KLHL14: variants seen among roughly 807,000 people sequenced by gnomAD.
KLHL14 encodes the protein kelch-like protein 14.
KLHL14 carries 22 observed loss-of-function variants against 64.3 expected under a neutral mutation model. The ratio of observed to expected loss-of-function variants is 0.34; its 90% CI spans 0.24 to 0.49. The LOEUF (loss-of-function observed/expected upper bound fraction) is 0.49. KLHL14 is among the 20% of genes least tolerant of loss of function. The pLI is 0.99. For synonymous variants in KLHL14, 322 were observed against 333.4 expected, an observed-to-expected ratio of 0.97 and a Z score of 0.37; for missense variants, 661 against 789.0, an observed-to-expected ratio of 0.84 and a Z score of 1.94.
Position 32,673,254 on chromosome 18 carries a change from A to G in KLHL14, c.*1403T>C, listed in dbSNP as rs2049794308. ...AAAGCTTATCACTAAGGCATTTTTC[A>G]TCTGTGGGATTTCCCTAATTACTGT... is the stretch of plus-strand genomic sequence containing the variant. On this transcript the variant is annotated 3_prime_UTR_variant, in exon 9 of 9. Transcript: ENST00000359358. The G allele has an allele frequency of 6.6e-6, 1 of 152,522 alleles. No homozygotes were observed. The highest frequency in any genetic ancestry group is 2.4e-5 in the African/African-American group (1 of 41,416). 9.4% of individuals were successfully genotyped at this position (152,522 alleles called of 1,614,324 possible).
chr18:32,758,070 A>G (rs1360344299), intron 2 of KLHL14, among the ~76,000 whole-genome samples: 1 of 152,082 alleles, frequency 6.6e-6, no homozygotes, highest in Non-Finnish European at 1.5e-5. Context: ...TGGCCAAAGA[A>G]TTTGAATAGA....
intron 3 of KLHL14, among the ~76,000 whole-genome samples, chr18:32,705,176 C>T (rs1483573899): frequency 6.6e-6 from 1 of 152,168 alleles, no homozygotes; most frequent in Non-Finnish European, 1.5e-5. Flanking sequence ...AGAATTAGAT[C>T]AATGTCTGAA....
rs1568088161 is a variant in KLHL14 at position 32,770,622 on chromosome 18, A to G, written c.-31T>C. ...GCTGACTCGGTGCACCTGGCTTTAA[A>G]CCCTCCTCCAACCTGGCAGACAGGG... On this transcript the variant is annotated 5_prime_UTR_variant, in exon 2 of 9. Transcript: ENST00000359358. The surrounding 1 kb of genome is among the most constrained non-coding windows in gnomAD (Gnocchi z 6.7). 9.1e-7 allele frequency: 1 copy of G among 1,099,876 alleles called. No homozygotes were observed. Among genetic ancestry groups the G allele is most frequent in the East Asian group, 6.1e-5 (1 of 16,380 alleles). 68.1% of individuals were successfully genotyped at this position (1,099,876 alleles called of 1,614,324 possible).
intron 8 of KLHL14, among the ~76,000 whole-genome samples, chr18:32,676,952 G>A (rs754299444): frequency 5.3e-5 from 8 of 152,150 alleles, no homozygotes; most frequent in Admixed American, 2.0e-4. Context: ...AGACAGGAGA[G>A]AAGGGAGACC....
At chr18:32,730,733 T>A (rs1293824730) in intron 3 of KLHL14, among the ~76,000 whole-genome samples, 6 of 152,184 alleles carry the variant, frequency 3.9e-5, no homozygotes, top group Non-Finnish European at 7.3e-5. Flanking sequence ...TAGGGTTTTC[T>A]GAAAGTGCTT....
At chr18:32,703,878 C>T (rs959160620) in intron 3 of KLHL14, among the ~76,000 whole-genome samples, 2 of 152,066 alleles carry the variant, frequency 1.3e-5, no homozygotes, top group African/African-American at 4.8e-5. Context: ...GGAATGAAAG[C>T]TGCCATCTCT....
chr18:32,732,538 T>C (rs1445100417), intron 3 of KLHL14, among the ~76,000 whole-genome samples: 1 of 152,216 alleles, frequency 6.6e-6, no homozygotes, highest in Non-Finnish European at 1.5e-5. Context: ...CAATTTGTTT[T>C]TGCTGATACG....
intron 3 of KLHL14, among the ~76,000 whole-genome samples, chr18:32,711,141 A>G (rs1375768418): frequency 6.6e-6 from 1 of 152,168 alleles, no homozygotes; most frequent in Admixed American, 6.6e-5. Context: ...CCAACAAAAG[A>G]AAGGTCTTTA....
chr18:32,690,745 A>T (rs528420581), intron 4 of KLHL14, among the ~76,000 whole-genome samples: 177 of 152,250 alleles, frequency 1.2e-3, no homozygotes, highest in African/African-American at 4.1e-3. Flanking sequence ...ACAAAACAAA[A>T]TAAAACAGCG....
intron 2 of KLHL14, among the ~76,000 whole-genome samples, chr18:32,762,963 C>T (rs1393810646): frequency 6.6e-6 from 1 of 152,028 alleles, no homozygotes; most frequent in Non-Finnish European, 1.5e-5. Flanking sequence ...ATAATTCCAA[C>T]TTCTACCTGG....
Position 32,673,365 on chromosome 18 carries a change from T to C in KLHL14, c.*1292A>G, listed in dbSNP as rs1460576536. On this transcript the variant is annotated 3_prime_UTR_variant, in exon 9 of 9. Transcript: ENST00000359358. ...AGGCTTTTATTTACTCCTAAAGTTGTTGTTCAAGCTCTGGAGGGCTTGAAA... is the reference window on the plus strand; with the variant it reads ...AGGCTTTTATTTACTCCTAAAGTTGCTGTTCAAGCTCTGGAGGGCTTGAAA... 1 of 152,324 alleles carries C rather than the reference T, an allele frequency of 6.6e-6. No homozygotes were observed. The highest frequency in any genetic ancestry group is 1.9e-4 in the East Asian group (1 of 5,180). 9.4% of individuals were successfully genotyped at this position (152,324 alleles called of 1,614,324 possible).
chr18:32,702,710 A>C (rs1482716970), intron 3 of KLHL14, among the ~76,000 whole-genome samples: 1 of 151,900 alleles, frequency 6.6e-6, no homozygotes, highest in Non-Finnish European at 1.5e-5. Flanking sequence ...ATCATTACGG[A>C]CAGTTAGTCT....
intron 8 of KLHL14, 68 bp downstream of exon 8, chr18:32,677,105 T>C: frequency 6.7e-7 from 1 of 1,502,706 alleles, no homozygotes; most frequent in Non-Finnish European, 9.1e-7. Context: ...GGATAACACA[T>C]TTGGAAGGAT....
At chr18:32,760,082 A>C (rs2050305990) in intron 2 of KLHL14, among the ~76,000 whole-genome samples, 1 of 152,190 alleles carries the variant, frequency 6.6e-6, no homozygotes, top group African/African-American at 2.4e-5. Flanking sequence ...GCTCAAAATC[A>C]GAGCCAAACA....
intron 3 of KLHL14, among the ~76,000 whole-genome samples, chr18:32,723,144 A>G (rs1233123562): frequency 6.6e-6 from 1 of 152,198 alleles, no homozygotes; most frequent in African/African-American, 2.4e-5. Context: ...GACACAATAG[A>G]AAACATAAAG....
At chr18:32,763,718 T>C (rs2050326417) in intron 2 of KLHL14, among the ~76,000 whole-genome samples, 1 of 152,166 alleles carries the variant, frequency 6.6e-6, no homozygotes, top group Non-Finnish European at 1.5e-5. Flanking sequence ...TTACCTATAT[T>C]TTTATTGCAC....
intron 3 of KLHL14, among the ~76,000 whole-genome samples, chr18:32,717,020 C>T (rs1025611838): frequency 6.6e-6 from 1 of 152,148 alleles, no homozygotes; most frequent in Non-Finnish European, 1.5e-5. Context: ...CCTCTCTCTC[C>T]AAATTGGAGG....
At chr18:32,756,076 C>T (rs1241125272) in intron 2 of KLHL14, among the ~76,000 whole-genome samples, 1 of 152,102 alleles carries the variant, frequency 6.6e-6, no homozygotes, top group Admixed American at 6.6e-5. Flanking sequence ...TGTGTTGAAG[C>T]CCTAACCCCC....
chr18:32,693,579 C>G (rs543276805), intron 4 of KLHL14, among the ~76,000 whole-genome samples: 1 of 152,124 alleles, frequency 6.6e-6, no homozygotes, highest in Non-Finnish European at 1.5e-5. Flanking sequence ...ACATCGTTAG[C>G]ATTAATAATA....
Sources: gnomAD v4.1 joint callset for allele counts (sites outside exome capture counted in the v4.1 genomes callset) on GRCh38, gnomAD v4.1.1 for gene constraint, Gnocchi (gnomAD v3.1) non-coding constraint, MANE v1.5 for transcripts, NCBI Gene and HGNC (gene_info 2026-07-23, HGNC 2026-07-21) for gene names.